The following GUCY2C variants were observed in gnomAD, a reference collection of about 807,000 sequenced individuals.
GUCY2C encodes guanylyl cyclase C.
In GUCY2C, 118 loss-of-function variants were observed where a neutral mutation model predicts 131.1. The ratio of observed to expected loss-of-function variants is 0.90; its 90% CI spans 0.78 to 1.05. The LOEUF (loss-of-function observed/expected upper bound fraction) is 1.05, where lower values mean the gene tolerates loss of function less well. Among genes scored for constraint, GUCY2C ranks in the 50% least tolerant of loss-of-function variants. GUCY2C has a pLI of 0.00. For missense variants in GUCY2C, 1,161 were observed against 1,304.4 expected (o/e 0.89, Z 1.69); for synonymous variants, 452 against 457.8 (o/e 0.99, Z 0.16).
Position 14,649,085 on chromosome 12 carries a change from C to T in GUCY2C, c.1710+2322G>A, listed in dbSNP as rs541921956. ...TCTTCCCTGAGCTATGGTTTCACAG[C>T]TTCATTTCATGTGGGTCTTACTCTA... On this transcript the variant is annotated intron_variant, in intron 15 of 26. Coordinates refer to ENST00000261170, the MANE Select transcript of GUCY2C (RefSeq NM_004963.4). Among the ~76,000 whole-genome samples, 16 of 152,224 alleles carry T rather than the reference C, an allele frequency of 1.1e-4. No homozygotes were observed. The East Asian group carries it at 2.3e-3, about 22-fold the overall frequency.
intron 15 of GUCY2C, among the ~76,000 whole-genome samples, chr12:14,645,799 T>C (rs550825921): frequency 6.6e-6 from 1 of 152,210 alleles, no homozygotes; most frequent in East Asian, 1.9e-4. Flanking sequence ...TGGATTTTTT[T>C]GTGAATTGTA....
rs188725212 is a variant in GUCY2C, at chr12:14,626,267, G to A, written c.2250-352C>T. 6.8e-3 allele frequency among the ~76,000 whole-genome samples: 1,037 copies of A among 152,216 alleles called. 8 individuals are homozygous for A. Among genetic ancestry groups the A allele is most frequent in the Middle Eastern group, 0.014 (4 of 294 alleles). ...GACTGGGAGGTGGAGGTTGCAGTGA[G>A]TCGAGATCATGCCACTGCACTCCAG... is the stretch of plus-strand genomic sequence containing the variant. On this transcript the variant is annotated intron_variant, in intron 20 of 26. Coordinates refer to ENST00000261170, the MANE Select transcript of GUCY2C (RefSeq NM_004963.4).
intron 15 of GUCY2C, among the ~76,000 whole-genome samples, chr12:14,650,087 T>C (rs1348357217): frequency 6.6e-6 from 1 of 152,174 alleles, no homozygotes; most frequent in African/African-American, 2.4e-5. Context: ...GAAAGGCTTG[T>C]ATGCTTTAAT....
chr12:14,634,881 A>G (rs1044868410), intron 19 of GUCY2C, among the ~76,000 whole-genome samples: 2 of 152,228 alleles, frequency 1.3e-5, no homozygotes, highest in Non-Finnish European at 2.9e-5. Context: ...AGGTCATTAT[A>G]TAATGATAAA....
intron 6 of GUCY2C, 119 bp downstream of exon 6, chr12:14,679,538 A>G (rs2137086975): frequency 3.2e-6 from 2 of 620,100 alleles, no homozygotes; most frequent in East Asian, 2.8e-5. Flanking sequence ...AAATATTATC[A>G]TCATACTTAA....
At chr12:14,690,397 C>T (rs140990893) in intron 1 of GUCY2C, among the ~76,000 whole-genome samples, 319 of 152,238 alleles carry the variant, frequency 2.1e-3, no homozygotes, top group Non-Finnish European at 3.4e-3. Flanking sequence ...GTCTTGCTGG[C>T]GATATCCCTG....
At position 14,613,569 on chromosome 12, in the gene GUCY2C, G is replaced by T. The variant is rs1026905661; in HGVS notation, c.3048-278C>A. Among the ~76,000 whole-genome samples, 4 of 152,122 alleles carry T rather than the reference G, an allele frequency of 2.6e-5. No homozygotes were observed. Among genetic ancestry groups the T allele is most frequent in the African/African-American group, 9.7e-5 (4 of 41,444 alleles). ...AGGATCTAGGTTTACATATGCCACT[G>T]CAGGAAGGGGAAAAGAAGCTGGGAG... On this transcript the variant is annotated intron_variant, in intron 26 of 26. Transcript: ENST00000261170. The surrounding 1 kb of genome is among the most constrained non-coding windows in gnomAD (Gnocchi z 4.9).
intron 24 of GUCY2C, among the ~76,000 whole-genome samples, chr12:14,617,518 G>T (rs368464454): frequency 9.2e-5 from 14 of 152,248 alleles, no homozygotes; most frequent in African/African-American, 3.1e-4. Flanking sequence ...AATAGCTAAA[G>T]CCTTGTGGGC....
chr12:14,695,620 A>AAG (rs34544153), intron 1 of GUCY2C, among the ~76,000 whole-genome samples: 3 of 150,158 alleles, frequency 2.0e-5, no homozygotes, highest in African/African-American at 7.4e-5. Context: ...AAAAAAAAAA[A>AAG]GAGTGAACAG....
intron 8 of GUCY2C, among the ~76,000 whole-genome samples, chr12:14,673,915 A>G (rs1317864123): frequency 1.3e-5 from 2 of 152,204 alleles, no homozygotes; most frequent in East Asian, 1.9e-4. Flanking sequence ...CCCCTGGTGC[A>G]GCCCTCAGTC....
At chr12:14,646,462 C>G (rs143675788) in intron 15 of GUCY2C, among the ~76,000 whole-genome samples, 1 of 152,078 alleles carries the variant, frequency 6.6e-6, no homozygotes, top group African/African-American at 2.4e-5. Flanking sequence ...CTCCCTTTAG[C>G]GCACCATTCA....
At position 14,622,151 on chromosome 12, in the gene GUCY2C, G is replaced by A. The variant is rs1242230072; in HGVS notation, c.2455C>T (p.Leu819=). 2 of 1,593,708 alleles carry A rather than the reference G, an allele frequency of 1.3e-6. No homozygotes were observed. The highest frequency in any genetic ancestry group is 1.4e-5 in the African/African-American group (1 of 73,836). The stretch of plus-strand genomic sequence containing the variant: ...AAGTAGATTGTAACTTCCTCATATA[G>A]TTCCGGCTCCACAAAGCCTTTCTCC... ...LKEKGFVEPE[L]YEEVTIYFSD... is the part of the protein sequence containing the mutation. Residue 819 remains leucine, a synonymous_variant, in exon 22 of 27, where the codon CTA becomes TTA. Transcript: ENST00000261170.
chr12:14,688,594 C>T (rs746014411), intron 1 of GUCY2C, among the ~76,000 whole-genome samples: 1 of 152,218 alleles, frequency 6.6e-6, no homozygotes, highest in Non-Finnish European at 1.5e-5. Flanking sequence ...TTTATCTATC[C>T]AGTCAACAAA....
At position 14,652,950 on chromosome 12, in the gene GUCY2C, A is replaced by G. The variant is rs760112493; in HGVS notation, c.1533+2T>C. The G allele has an allele frequency of 9.4e-6, 15 of 1,597,960 alleles. No individual in the cohort carries two copies. The African/African-American group carries it at 1.9e-4, about 20-fold the overall frequency. On this transcript the variant is annotated splice_donor_variant, in intron 13 of 26. Coordinates refer to ENST00000261170, the MANE Select transcript of GUCY2C (RefSeq NM_004963.4). LOFTEE classifies it high-confidence loss of function. ...AGAGTTCAGAGAAGTGGGAGAGGTC[A>G]CCTTTTTGTCGTATTTGCACTGTCG... is the stretch of plus-strand genomic sequence containing the variant.
In GUCY2C at chr12:14,626,358, G is replaced by C. The variant is rs185271204; in HGVS notation, c.2250-443C>G. Among the ~76,000 whole-genome samples the C allele has an allele frequency of 3.8e-3, 577 of 151,978 alleles. 3 individuals are homozygous for C. The highest frequency in any genetic ancestry group is 6.4e-3 in the Non-Finnish European group (435 of 67,944). On this transcript the variant is annotated intron_variant, in intron 20 of 26. Coordinates refer to ENST00000261170, the MANE Select transcript of GUCY2C (RefSeq NM_004963.4). ...AAACAAAAAGCCCAACTTAACCTCA[G>C]GACAAGAATAAGATTAAAAAAGGGA... is the stretch of plus-strand genomic sequence containing the variant.
chr12:14,641,005 C>G (rs781194969), intron 18 of GUCY2C, 77 bp downstream of exon 18: 4 of 1,311,416 alleles, frequency 3.1e-6, no homozygotes, highest in East Asian at 4.6e-5. Flanking sequence ...TGGTTACAGA[C>G]AGATTAGGGT....
At chr12:14,653,475 G>T (rs1358448192) in intron 12 of GUCY2C, among the ~76,000 whole-genome samples, 2 of 152,240 alleles carry the variant, frequency 1.3e-5, no homozygotes, top group East Asian at 3.8e-4. Context: ...TCAGCCCGAA[G>T]TTGCTAAATC....
chr12:14,660,591 A>C (rs12230693), intron 11 of GUCY2C, among the ~76,000 whole-genome samples: 3 of 152,228 alleles, frequency 2.0e-5, no homozygotes, highest in African/African-American at 7.2e-5. Context: ...ATATAACAGC[A>C]TAATAAAAAT....
rs370807854 is a variant in GUCY2C, at chr12:14,613,328, A to G, written c.3048-37T>C. 23 of 1,481,658 alleles carry G rather than the reference A, an allele frequency of 1.6e-5. No individual in the cohort carries two copies. The African/African-American group carries it at 2.6e-4, about 17-fold the overall frequency. The allele number at this position is 1,481,658 out of a possible 1,614,324, so 91.8% of individuals were successfully genotyped here. A position where few individuals can be genotyped will look rare whatever the true frequency, so the allele number is the denominator to read the frequency against. On this transcript the variant is annotated intron_variant, in intron 26 of 26. Transcript: ENST00000261170. This position sits in a 1 kb window ranked among gnomAD's most constrained non-coding sequence, Gnocchi z 4.9. ...GTGGGAAGAGAAAATAGAACTTCTC[A>G]GCAATTCATACAGAATATTCCTTAG...
Sources: gnomAD v4.1 joint callset for allele counts (sites outside exome capture counted in the v4.1 genomes callset) on GRCh38, gnomAD v4.1.1 for gene constraint, Gnocchi (gnomAD v3.1) non-coding constraint, MANE v1.5 for transcripts, NCBI Gene and HGNC (gene_info 2026-07-23, HGNC 2026-07-21) for gene names.